WDR7: variants seen among roughly 807,000 people sequenced by gnomAD.
The protein encoded by WDR7 is WD repeat domain 7.
WDR7 carries 46 observed loss-of-function variants against 169.4 expected under a neutral mutation model. That is an observed-to-expected ratio of 0.27 (90% CI 0.21 to 0.35). WDR7 has a LOEUF of 0.35. Among genes scored for constraint, WDR7 ranks in the 10% least tolerant of loss-of-function variants. WDR7 has a pLI of 1.00. For missense variants in WDR7, 1,534 were observed against 1,859.3 expected (o/e 0.83, Z 3.22); for synonymous variants, 612 against 666.8 (o/e 0.92, Z 1.27).
chr18:56,921,157 CA>C (rs1434733604), intron 21 of WDR7, among the ~76,000 whole-genome samples: 1 of 152,120 alleles, frequency 6.6e-6, no homozygotes, highest in Non-Finnish European at 1.5e-5. Context: ...GGCTAGAAAT[CA>C]AAAGGTTTAA....
intron 14 of WDR7, among the ~76,000 whole-genome samples, chr18:56,741,272 C>G (rs1413616356): frequency 6.6e-6 from 1 of 152,154 alleles, no homozygotes; most frequent in Non-Finnish European, 1.5e-5. Flanking sequence ...ACTGTCATCA[C>G]TGTTTGTCCC....
chr18:56,806,086 C>T (rs1327576291), intron 19 of WDR7, among the ~76,000 whole-genome samples: 1 of 152,114 alleles, frequency 6.6e-6, no homozygotes, highest in African/African-American at 2.4e-5. Context: ...GTATTTCTTC[C>T]TCTTCCCATC....
chr18:56,789,495 T>A (rs1323921259), intron 19 of WDR7, among the ~76,000 whole-genome samples: 1 of 152,216 alleles, frequency 6.6e-6, no homozygotes, highest in Non-Finnish European at 1.5e-5. Context: ...AGAAACCCCA[T>A]GACAGTTTGC....
intron 25 of WDR7, among the ~76,000 whole-genome samples, chr18:56,962,100 T>C (rs77986854): frequency 0.042 from 6,376 of 152,058 alleles, 443 homozygotes; most frequent in African/African-American, 0.14. Flanking sequence ...CGTAGCAAAA[T>C]TGGATTTTCA....
At position 56,756,798 on chromosome 18, in the gene WDR7, T is replaced by A; in HGVS notation, c.2205T>A (p.Thr735=). The change falls in exon 15 of 28, where the codon ACT becomes ACA. Residue 735 remains threonine (T), a synonymous_variant. Coordinates refer to ENST00000254442, the MANE Select transcript of WDR7 (RefSeq NM_015285.3). ...CAGACAAAGGGGGCTCTTTTTTAAC[T>A]GGAAAACGAGCAGCAGTTCTCTTCC... is the stretch of plus-strand genomic sequence containing the variant. ...GSSDKGGSFL[T]GKRAAVLFQQ... 1 of 1,614,042 alleles carries A rather than the reference T, an allele frequency of 6.2e-7. No homozygotes were observed. The highest frequency in any genetic ancestry group is 8.5e-7 in the Non-Finnish European group (1 of 1,180,024).
intron 20 of WDR7, among the ~76,000 whole-genome samples, chr18:56,850,352 A>G (rs768173311): frequency 3.9e-5 from 6 of 152,196 alleles, no homozygotes; most frequent in Non-Finnish European, 7.3e-5. Context: ...ACCCCATTCC[A>G]TATAGCAGCA....
chr18:56,901,867 T>A (rs908822940), intron 21 of WDR7, among the ~76,000 whole-genome samples: 8 of 152,190 alleles, frequency 5.3e-5, no homozygotes, highest in African/African-American at 1.7e-4. Context: ...GGTTGTCAGT[T>A]CACTGGGACA....
chr18:56,889,575 T>C (rs2145517225), intron 21 of WDR7, among the ~76,000 whole-genome samples: 1 of 152,340 alleles, frequency 6.6e-6, no homozygotes, highest in Middle Eastern at 3.4e-3. Flanking sequence ...GATTAAACTT[T>C]GTGCAGACAA....
Position 56,924,107 on chromosome 18 carries a change from A to G in WDR7, c.3712A>G (p.Asn1238Asp), listed in dbSNP as rs375099978. Reference protein sequence around the residue: ...LCADAEKQLANITMGLPLSPA... With the variant: ...LCADAEKQLADITMGLPLSPA... ...TGCCGATGCCGAGAAACAACTTGCC[A>G]AGTATGTGTGGATTCCGGTTAATTT... is the stretch of plus-strand genomic sequence containing the variant. Residue 1238 changes from asparagine to aspartate, a missense_variant and splice_region_variant, in exon 22 of 28, where the codon AAC (asparagine) becomes GAC (aspartate). Coordinates refer to ENST00000254442, the MANE Select transcript of WDR7 (RefSeq NM_015285.3). 2.5e-5 allele frequency: 41 copies of G among 1,611,958 alleles called. No homozygotes were observed. Among genetic ancestry groups the G allele is most frequent in the South Asian group, 6.6e-5 (6 of 90,330 alleles).
intron 12 of WDR7, among the ~76,000 whole-genome samples, chr18:56,710,241 G>A (rs1405451470): frequency 7.2e-5 from 11 of 151,856 alleles, no homozygotes; most frequent in Admixed American, 7.2e-4. Flanking sequence ...CTGACCTTGT[G>A]ATCCGCCTGC....
intron 24 of WDR7, 41 bp from the exon 25 acceptor site, chr18:56,939,270 G>C: frequency 7.0e-7 from 1 of 1,429,918 alleles, no homozygotes; most frequent in Non-Finnish European, 9.5e-7. Flanking sequence ...GGAAAATTAA[G>C]TATTTGAAAT....
chr18:57,006,543 T>A (rs1440793998), intron 26 of WDR7, among the ~76,000 whole-genome samples: 1 of 152,210 alleles, frequency 6.6e-6, no homozygotes, highest in African/African-American at 2.4e-5. Flanking sequence ...GCATTAAAGA[T>A]ACAAAGGTTT....
At chr18:56,846,807 G>A (rs1163007619) in intron 20 of WDR7, among the ~76,000 whole-genome samples, 1 of 152,166 alleles carries the variant, frequency 6.6e-6, no homozygotes, top group Non-Finnish European at 1.5e-5. Flanking sequence ...CTCACCAGAA[G>A]CAGATGTGGA....
intron 1 of WDR7, among the ~76,000 whole-genome samples, chr18:56,670,280 T>G (rs2025105516): frequency 6.6e-6 from 1 of 152,182 alleles, no homozygotes; most frequent in South Asian, 2.1e-4. Context: ...TTTCTGAAGT[T>G]TCACTTTTAT....
At chr18:56,987,637 A>G (rs2047743130) in intron 26 of WDR7, among the ~76,000 whole-genome samples, 1 of 152,234 alleles carries the variant, frequency 6.6e-6, no homozygotes, top group Non-Finnish European at 1.5e-5. Context: ...GTATTTGGGC[A>G]TAACCTTTTA....
intron 16 of WDR7, among the ~76,000 whole-genome samples, chr18:56,762,308 T>C (rs1473844890): frequency 1.3e-5 from 2 of 152,016 alleles, no homozygotes; most frequent in Non-Finnish European, 2.9e-5. Flanking sequence ...AGTTGTGGAA[T>C]GTTTTCTTTT....
At chr18:56,957,723 A>G (rs1047414015) in intron 25 of WDR7, among the ~76,000 whole-genome samples, 1 of 151,982 alleles carries the variant, frequency 6.6e-6, no homozygotes, top group African/African-American at 2.4e-5. Context: ...TATTTTGGGG[A>G]AAAAAAGATA....
In WDR7 at chr18:56,962,455, C is replaced by T. The variant is rs1217801603; in HGVS notation, c.4090C>T (p.Arg1364Trp). 9.9e-6 allele frequency: 16 copies of T among 1,612,866 alleles called. No homozygotes were observed. Among genetic ancestry groups the T allele is most frequent in the Non-Finnish European group, 1.4e-5 (16 of 1,179,246 alleles). The stretch of plus-strand genomic sequence containing the variant: ...GTTCTACATGGTCAGCTATTATGAG[C>T]GGAATCACAGAATAGCAGTTGGAGC... The part of the protein sequence containing the change: ...CRFYMVSYYE[R>W]NHRIAVGARH... The change falls in exon 26 of 28, where the codon CGG (arginine) becomes TGG (tryptophan). Residue 1364 changes from arginine (R) to tryptophan (W), a missense_variant. Transcript: ENST00000254442.
At chr18:56,714,921 C>T (rs1284569718) in intron 12 of WDR7, among the ~76,000 whole-genome samples, 1 of 151,976 alleles carries the variant, frequency 6.6e-6, no homozygotes, top group Non-Finnish European at 1.5e-5. Flanking sequence ...TCATAATCTA[C>T]TTTTTAAAGC....
Sources: gnomAD v4.1 joint callset for allele counts (sites outside exome capture counted in the v4.1 genomes callset) on GRCh38, gnomAD v4.1.1 for gene constraint, MANE v1.5 for transcripts, NCBI Gene and HGNC (gene_info 2026-07-23, HGNC 2026-07-21) for gene names.